The following THBS4 variants were observed in gnomAD, a reference collection of about 807,000 sequenced individuals.
THBS4 encodes thrombospondin-4.
In THBS4, 90 loss-of-function variants were observed where a neutral mutation model predicts 115.7. The observed-to-expected ratio is 0.78, with a 90% CI of 0.66 to 0.93. THBS4 has a LOEUF of 0.93. THBS4 is among the 40% of genes least tolerant of loss of function. The probability of loss-of-function intolerance (pLI) is 0.00; values close to 1 mark genes in which losing one functional copy is unlikely to be tolerated. For synonymous variants in THBS4, 460 were observed against 479.3 expected (o/e 0.96, Z 0.53); for missense variants, 1,087 against 1,232.7 (o/e 0.88, Z 1.77).
At chr5:80,000,806 ATG>A (rs1423848287) in intron 2 of THBS4, among the ~76,000 whole-genome samples, 1 of 152,108 alleles carries the variant, frequency 6.6e-6, no homozygotes, top group Non-Finnish European at 1.5e-5. Flanking sequence ...AAGAGAGCGT[ATG>A]TGTGTGCACT....
intron 1 of THBS4, among the ~76,000 whole-genome samples, chr5:79,994,264 T>A (rs1459947764): frequency 6.6e-6 from 1 of 152,078 alleles, no homozygotes; most frequent in Admixed American, 6.6e-5. Flanking sequence ...GAAGAAAATA[T>A]CAGTACCCAT....
intron 10 of THBS4, among the ~76,000 whole-genome samples, chr5:80,069,696 C>G (rs1468623245): frequency 6.6e-6 from 1 of 152,232 alleles, no homozygotes; most frequent in Non-Finnish European, 1.5e-5. Flanking sequence ...GGATCAGCCT[C>G]GTGGATCAGC....
At chr5:80,060,030 C>A in intron 7 of THBS4, 125 bp downstream of exon 7, 1 of 890,904 alleles carries the variant, frequency 1.1e-6, no homozygotes, top group Non-Finnish European at 1.7e-6. Flanking sequence ...CCATTGAAAC[C>A]ACTTGCTTGG....
intron 2 of THBS4, among the ~76,000 whole-genome samples, chr5:80,049,813 C>T (rs930867941): frequency 3.3e-5 from 5 of 152,142 alleles, no homozygotes; most frequent in African/African-American, 1.2e-4. Context: ...ATTTCATTTG[C>T]TTGCTTGCTT....
chr5:80,019,194 G>A (rs1832311831), intron 2 of THBS4, among the ~76,000 whole-genome samples: 1 of 152,078 alleles, frequency 6.6e-6, no homozygotes, highest in South Asian at 2.1e-4. Context: ...ATCTAATCAT[G>A]AGAAATAATT....
chr5:80,060,811 T>C (rs1833607085), intron 7 of THBS4, among the ~76,000 whole-genome samples: 1 of 152,072 alleles, frequency 6.6e-6, no homozygotes, highest in Non-Finnish European at 1.5e-5. Context: ...AAAGCAATGT[T>C]CATAGCAGGT....
At position 80,059,368 on chromosome 5, in the gene THBS4, A is replaced by G. The variant is rs1364148218; in HGVS notation, c.733-72A>G. On this transcript the variant is annotated intron_variant, in intron 5 of 21. Coordinates refer to ENST00000350881, the MANE Select transcript of THBS4 (RefSeq NM_003248.6). The stretch of plus-strand genomic sequence containing the variant: ...AAAAGTGTTACATAGATAGCTCCAC[A>G]TGGATTCTTTCATTCCTGGATGATA... 4.8e-6 allele frequency: 7 copies of G among 1,466,664 alleles called. No individual in the cohort carries two copies. The East Asian group carries it at 9.1e-5, about 19-fold the overall frequency. 90.9% of individuals were successfully genotyped at this position (1,466,664 alleles called of 1,614,324 possible).
At chr5:80,045,467 A>G (rs1833031699) in intron 2 of THBS4, among the ~76,000 whole-genome samples, 1 of 152,056 alleles carries the variant, frequency 6.6e-6, no homozygotes, top group African/African-American at 2.4e-5. Context: ...AAATAAAATT[A>G]TAGACACAAT....
intron 2 of THBS4, among the ~76,000 whole-genome samples, chr5:80,005,525 T>C (rs903774471): frequency 6.6e-5 from 10 of 152,150 alleles, no homozygotes; most frequent in South Asian, 2.1e-4. Flanking sequence ...AAAAAGAGTG[T>C]GCACGGAGGA....
chr5:80,050,886 G>A (rs1343596955), intron 2 of THBS4, among the ~76,000 whole-genome samples: 1 of 152,040 alleles, frequency 6.6e-6, no homozygotes, highest in African/African-American at 2.4e-5. Flanking sequence ...ATTTGGCAAA[G>A]ACAGTTTCAT....
At chr5:80,058,918 A>G (rs1833527381) in intron 5 of THBS4, 128 bp downstream of exon 5, 2 of 824,818 alleles carry the variant, frequency 2.4e-6, no homozygotes, top group African/African-American at 1.7e-5. Context: ...GGGCCCACGC[A>G]GCCCCGCACG....
At chr5:80,065,544 G>A in intron 9 of THBS4, 67 bp downstream of exon 9, 1 of 1,463,708 alleles carries the variant, frequency 6.8e-7, no homozygotes, top group East Asian at 2.3e-5. Flanking sequence ...TATGTTTATA[G>A]ATCATAGCTT....
intron 2 of THBS4, among the ~76,000 whole-genome samples, chr5:80,005,967 A>G (rs1483826432): frequency 2.0e-5 from 3 of 151,946 alleles, no homozygotes; most frequent in Non-Finnish European, 2.9e-5. Context: ...GGGTTTCACC[A>G]TGTTGGCCAG....
chr5:80,064,474 T>A (rs944989775), intron 8 of THBS4, among the ~76,000 whole-genome samples: 2 of 152,180 alleles, frequency 1.3e-5, no homozygotes, highest in African/African-American at 4.8e-5. Context: ...AAATGCAAAG[T>A]AAATATAAAA....
upstream of THBS4, among the ~76,000 whole-genome samples, chr5:80,031,634 A>G (rs1231059539): frequency 3.3e-5 from 5 of 152,178 alleles, no homozygotes; most frequent in Non-Finnish European, 5.9e-5. Context: ...ACCCTGCTCT[A>G]TGTCTCTCAT....
At chr5:80,080,193 G>A in intron 20 of THBS4, 116 bp downstream of exon 20, 1 of 1,284,922 alleles carries the variant, frequency 7.8e-7, no homozygotes, top group East Asian at 2.5e-5. Context: ...CCAAGGACAT[G>A]CCAGGACTTT....
intron 1 of THBS4, among the ~76,000 whole-genome samples, chr5:79,992,629 G>A (rs139310074): frequency 2.6e-5 from 4 of 152,314 alleles, no homozygotes; most frequent in African/African-American, 9.6e-5. Context: ...TTATTGAGCA[G>A]CTCCTATGTC....
At chr5:80,028,704 C>T (rs1173455025) in intron 2 of THBS4, among the ~76,000 whole-genome samples, 2 of 152,100 alleles carry the variant, frequency 1.3e-5, no homozygotes, top group Non-Finnish European at 2.9e-5. Flanking sequence ...AGTGATCCAC[C>T]CATCTCGGCC....
chr5:80,058,254 G>C lies in THBS4; in HGVS notation c.589G>C (p.Val197Leu). The C allele has an allele frequency of 6.3e-7, 1 of 1,579,366 alleles. No individual in the cohort carries two copies. Among genetic ancestry groups the C allele is most frequent in the East Asian group, 2.3e-5 (1 of 43,464 alleles). Residue 197 changes from valine (V) to leucine (L), a missense_variant, in exon 4 of 22, where the codon GTG becomes CTG. By Grantham distance (32) the Val-to-Leu change is conservative (BLOSUM62 1). Transcript: ENST00000350881. ...GGTGGTGAGAGGCTCACTGTTCCAG[G>C]TGGCCAGCCTGCAAGACTGCTTCCT... ...KLVVRGSLFQ[V>L]ASLQDCFLQQ...
Sources: gnomAD v4.1 joint callset for allele counts (sites outside exome capture counted in the v4.1 genomes callset) on GRCh38, gnomAD v4.1.1 for gene constraint, MANE v1.5 for transcripts, NCBI Gene and HGNC (gene_info 2026-07-23, HGNC 2026-07-21) for gene names.